The following FBXL17 variants were observed in gnomAD, a reference collection of about 807,000 sequenced individuals.
FBXL17 encodes the protein F-box/LRR-repeat protein 17.
FBXL17 carries 22 observed loss-of-function variants against 66.2 expected under a neutral mutation model. That is an observed-to-expected ratio of 0.33 (90% CI 0.24 to 0.47). The LOEUF (loss-of-function observed/expected upper bound fraction) is 0.47, where lower values mean the gene tolerates loss of function less well. FBXL17 is among the 20% of genes least tolerant of loss of function. The pLI, the probability that FBXL17 is intolerant of heterozygous loss-of-function variation, is 1.00. For synonymous variants in FBXL17, 474 were observed against 400.5 expected (o/e 1.18, Z -2.19); for missense variants, 878 against 948.2 (o/e 0.93, Z 0.97).
chr5:108,045,242 C>A (rs1243383120), intron 6 of FBXL17, among the ~76,000 whole-genome samples: 1 of 152,060 alleles, frequency 6.6e-6, no homozygotes, highest in Non-Finnish European at 1.5e-5. Context: ...GAGTTCGAAA[C>A]CAGCCTGGCC....
At chr5:108,348,843 C>T (rs1048137151) in intron 3 of FBXL17, among the ~76,000 whole-genome samples, 4 of 152,132 alleles carry the variant, frequency 2.6e-5, no homozygotes, top group African/African-American at 7.2e-5. Context: ...CTCACTGTGT[C>T]GCCCAGGCTA....
chr5:108,160,996 C>A (rs1752189226), intron 6 of FBXL17, among the ~76,000 whole-genome samples: 2 of 152,060 alleles, frequency 1.3e-5, no homozygotes, highest in South Asian at 4.1e-4. Flanking sequence ...TCAACTAGTT[C>A]CCAAGCCTTT....
intron 7 of FBXL17, among the ~76,000 whole-genome samples, chr5:107,942,125 C>T (rs4957731): frequency 0.17 from 26,525 of 152,092 alleles, 2,451 homozygotes; most frequent in African/African-American, 0.24. Flanking sequence ...GCGTACACAG[C>T]TGGATGTAGG....
chr5:108,088,772 C>G (rs953663135), intron 6 of FBXL17, among the ~76,000 whole-genome samples: 1 of 144,798 alleles, frequency 6.9e-6, no homozygotes, highest in Admixed American at 6.8e-5. Flanking sequence ...AGGCCTCTAT[C>G]CCTTCTCACT....
intron 5 of FBXL17, among the ~76,000 whole-genome samples, chr5:108,223,702 A>G (rs1446614415): frequency 6.6e-6 from 1 of 152,148 alleles, no homozygotes; most frequent in African/African-American, 2.4e-5. Flanking sequence ...AATTTTTGTC[A>G]TATATTCACC....
chr5:108,072,682 T>C (rs1580404014), intron 6 of FBXL17, among the ~76,000 whole-genome samples: 1 of 150,756 alleles, frequency 6.6e-6, no homozygotes, highest in South Asian at 2.2e-4. Flanking sequence ...CACTCCAGCC[T>C]GGGAGACAGA....
At chr5:108,208,148 A>T (rs1754207806) in intron 5 of FBXL17, among the ~76,000 whole-genome samples, 1 of 152,054 alleles carries the variant, frequency 6.6e-6, no homozygotes, top group Non-Finnish European at 1.5e-5. Flanking sequence ...TTATTTGCCC[A>T]CTTTTTGATG....
At chr5:108,283,131 T>C (rs762413992) in intron 4 of FBXL17, among the ~76,000 whole-genome samples, 4 of 151,620 alleles carry the variant, frequency 2.6e-5, no homozygotes, top group African/African-American at 7.3e-5. Flanking sequence ...ATGTCATTTT[T>C]TACACAAGTA....
At chr5:108,347,358 C>T (rs1747347957) in intron 4 of FBXL17, among the ~76,000 whole-genome samples, 1 of 152,148 alleles carries the variant, frequency 6.6e-6, no homozygotes. Context: ...TTAACCCAAA[C>T]ATTGTTATAT....
intron 4 of FBXL17, among the ~76,000 whole-genome samples, chr5:108,282,662 A>G (rs1757746100): frequency 6.6e-6 from 1 of 151,844 alleles, no homozygotes; most frequent in South Asian, 2.1e-4. Flanking sequence ...AGTCTTAGCT[A>G]GAGCAATCTG....
At chr5:108,273,696 A>G (rs1277990895) in intron 4 of FBXL17, among the ~76,000 whole-genome samples, 2 of 152,160 alleles carry the variant, frequency 1.3e-5, no homozygotes, top group Non-Finnish European at 2.9e-5. Flanking sequence ...AGAGCATCAG[A>G]GAAAGAAAAA....
intron 4 of FBXL17, among the ~76,000 whole-genome samples, chr5:108,234,024 G>T (rs1199968520): frequency 2.0e-5 from 3 of 152,128 alleles, no homozygotes; most frequent in Non-Finnish European, 4.4e-5. Flanking sequence ...TTAGAAAAAT[G>T]CAGAGTTGGG....
chr5:108,324,596 C>A lies in FBXL17; in HGVS notation c.1506+23803G>T, dbSNP rs183540802. ...TAATTTTACTTCTGGATATATACCCCAAAGAACTGAAAGAAGGGTCTCAAA... is the reference window on the plus strand; with the variant it reads ...TAATTTTACTTCTGGATATATACCCAAAAGAACTGAAAGAAGGGTCTCAAA... On this transcript the variant is annotated intron_variant, in intron 4 of 8. Coordinates refer to ENST00000542267, the MANE Select transcript of FBXL17 (RefSeq NM_001163315.3). 9.9e-3 allele frequency among the ~76,000 whole-genome samples: 1,507 copies of A among 151,984 alleles called. 20 individuals are homozygous for A. The highest frequency in any genetic ancestry group is 0.035 in the African/African-American group (1,432 of 41,478).
rs79605377 is a variant in FBXL17, at chr5:107,966,312, C to T, written c.1822+54613G>A. Among the ~76,000 whole-genome samples the T allele has an allele frequency of 5.9e-3, 893 of 152,228 alleles. 9 individuals are homozygous for T. Among genetic ancestry groups the T allele is most frequent in the African/African-American group, 0.021 (862 of 41,560 alleles). On this transcript the variant is annotated intron_variant, in intron 7 of 8. Transcript: ENST00000542267. Reference sequence around the variant, plus strand: ...GGGATATTACATTTAGTACCAGACTCTCACCCCTGTTTTCAGACTGATCTC... The same window carrying T: ...GGGATATTACATTTAGTACCAGACTTTCACCCCTGTTTTCAGACTGATCTC...
intron 8 of FBXL17, among the ~76,000 whole-genome samples, chr5:107,864,088 CAGGATAA>C (rs1246249080): frequency 6.6e-6 from 1 of 152,178 alleles, no homozygotes; most frequent in Non-Finnish European, 1.5e-5. Flanking sequence ...ACTGTAAAGA[CAGGATAA>C]AAGTACATAT....
intron 6 of FBXL17, among the ~76,000 whole-genome samples, chr5:108,089,625 A>T (rs1401760212): frequency 6.6e-6 from 1 of 152,142 alleles, no homozygotes; most frequent in South Asian, 2.1e-4. Flanking sequence ...TGATTATTTG[A>T]GAAACCTCCT....
intron 4 of FBXL17, among the ~76,000 whole-genome samples, chr5:108,282,259 C>T (rs1021208080): frequency 6.6e-6 from 1 of 151,720 alleles, no homozygotes; most frequent in Non-Finnish European, 1.5e-5. Context: ...AACACAGACA[C>T]AAAAATCCTC....
chr5:107,886,125 CTGTA>C (rs1748961463), intron 7 of FBXL17, among the ~76,000 whole-genome samples: 2 of 152,106 alleles, frequency 1.3e-5, no homozygotes, highest in African/African-American at 4.8e-5. Context: ...CCAAAAAGAA[CTGTA>C]AGCAAACAAA....
intron 6 of FBXL17, among the ~76,000 whole-genome samples, chr5:108,026,915 G>C (rs939613098): frequency 6.6e-6 from 1 of 152,090 alleles, no homozygotes; most frequent in African/African-American, 2.4e-5. Context: ...TAAGTACTAC[G>C]GGTTTGCATC....
Sources: gnomAD v4.1 joint callset for allele counts (sites outside exome capture counted in the v4.1 genomes callset) on GRCh38, gnomAD v4.1.1 for gene constraint, MANE v1.5 for transcripts, NCBI Gene and HGNC (gene_info 2026-07-23, HGNC 2026-07-21) for gene names.